The following CUL5 variants were observed in gnomAD, a reference collection of about 807,000 sequenced individuals.
CUL5 encodes the protein cullin-5.
In CUL5, 26 loss-of-function variants were observed where a neutral mutation model predicts 108.8. That is an observed-to-expected ratio of 0.24 (90% CI 0.18 to 0.33). The LOEUF (loss-of-function observed/expected upper bound fraction) is 0.33. Ranked by LOEUF, CUL5 falls within the 10% of genes least tolerant of loss-of-function variation. The pLI is 1.00. For synonymous variants in CUL5, 334 were observed against 298.0 expected, an observed-to-expected ratio of 1.12 and a Z score of -1.25; for missense variants, 524 against 909.2, an observed-to-expected ratio of 0.58 and a Z score of 5.45.
rs535998899 is a variant in CUL5, at chr11:108,039,994, CTTG to C, written c.134+6086_134+6088del. 2.3e-3 allele frequency among the ~76,000 whole-genome samples: 353 copies of C among 152,296 alleles called. 1 individual carries two copies. Among genetic ancestry groups the C allele is most frequent in the Admixed American group, 0.012 (180 of 15,290 alleles). On this transcript the variant is annotated intron_variant, in intron 2 of 18. Transcript: ENST00000393094. ...TTATCACACCAGGGTCACACTATTT[CTTG>C]TTCTCTTCTACACAAGGAAATCAAA...
At chr11:108,083,484 T>C (rs1864149196) in intron 11 of CUL5, among the ~76,000 whole-genome samples, 2 of 152,316 alleles carry the variant, frequency 1.3e-5, no homozygotes, top group South Asian at 4.1e-4. Context: ...TACTTTTAGC[T>C]CCACATTAAA....
In CUL5 at chr11:108,009,253, C is replaced by A; in HGVS notation, c.-96C>A. 1.4e-6 allele frequency: 2 copies of A among 1,390,278 alleles called. No homozygotes were observed. Among genetic ancestry groups the A allele is most frequent in the East Asian group, 2.3e-5 (1 of 43,268 alleles). The allele number at this position is 1,390,278 out of a possible 1,614,324, so 86.1% of individuals were successfully genotyped here. A position where few individuals can be genotyped will look rare whatever the true frequency, so the allele number is the denominator to read the frequency against. On this transcript the variant is annotated 5_prime_UTR_variant, in exon 1 of 19. Transcript: ENST00000393094. ...CCACACCCTGGTGCGGGCCGACGGGCCCTGGGCCCTGGTGGGAGCTCCGGC... is the reference window on the plus strand; with the variant it reads ...CCACACCCTGGTGCGGGCCGACGGGACCTGGGCCCTGGTGGGAGCTCCGGC...
In CUL5 at chr11:108,106,882, A is replaced by G. The variant is rs550776478; in HGVS notation, c.*2498A>G. 5.3e-5 allele frequency: 8 copies of G among 151,284 alleles called. No homozygotes were observed. Among genetic ancestry groups the G allele is most frequent in the South Asian group, 2.1e-4 (1 of 4,774 alleles). 9.4% of individuals were successfully genotyped at this position (151,284 alleles called of 1,614,324 possible). The stretch of plus-strand genomic sequence containing the variant: ...ATTTTTAAAAATTAGTGGTATGGCA[A>G]TAAGACACTTCAGAGGCTATCTTAA... On this transcript the variant is annotated 3_prime_UTR_variant, in exon 19 of 19. Coordinates refer to ENST00000393094, the MANE Select transcript of CUL5 (RefSeq NM_003478.6).
intron 1 of CUL5, among the ~76,000 whole-genome samples, chr11:108,025,014 A>G (rs897416272): frequency 4.6e-5 from 7 of 152,158 alleles, no homozygotes; most frequent in Non-Finnish European, 1.0e-4. Flanking sequence ...AATGTCTTAT[A>G]TCTGTGGTTT....
chr11:108,052,319 A>G (rs1362789451), intron 4 of CUL5, among the ~76,000 whole-genome samples: 1 of 152,074 alleles, frequency 6.6e-6, no homozygotes, highest in African/African-American at 2.4e-5. Flanking sequence ...AGTGAATGCA[A>G]CCTAAGTTAT....
intron 11 of CUL5, among the ~76,000 whole-genome samples, chr11:108,084,315 A>T (rs1388529862): frequency 6.6e-6 from 1 of 152,200 alleles, no homozygotes; most frequent in African/African-American, 2.4e-5. Context: ...AACCTTTCAG[A>T]GGTTACTTGA....
intron 4 of CUL5, among the ~76,000 whole-genome samples, chr11:108,051,441 A>T (rs1027583098): frequency 3.3e-5 from 5 of 152,200 alleles, no homozygotes; most frequent in Non-Finnish European, 7.3e-5. Context: ...ACATATCTAA[A>T]GGGGGGATAA....
At chr11:108,091,699 A>T (rs1019020409) in intron 13 of CUL5, among the ~76,000 whole-genome samples, 2 of 144,568 alleles carry the variant, frequency 1.4e-5, no homozygotes, top group Non-Finnish European at 1.5e-5. Flanking sequence ...TCTCACTCAC[A>T]CACACACACA....
At chr11:108,025,521 T>C (rs1405800156) in intron 1 of CUL5, among the ~76,000 whole-genome samples, 1 of 152,228 alleles carries the variant, frequency 6.6e-6, no homozygotes, top group Non-Finnish European at 1.5e-5. Context: ...GGGGTAGGGC[T>C]ACTTTGGCTC....
In CUL5 at chr11:108,009,103, T is replaced by G; in HGVS notation, c.-246T>G. On this transcript the variant is annotated 5_prime_UTR_variant, in exon 1 of 19. Transcript: ENST00000393094. ...TTCTCAGCATTCGCCGTTCCGGTCT[T>G]CCTGAGCGCGTGCATGAGGTCTTTC... 1.8e-6 allele frequency: 1 copy of G among 566,760 alleles called. No homozygotes were observed. Among genetic ancestry groups the G allele is most frequent in the Non-Finnish European group, 3.2e-6 (1 of 315,896 alleles). 35.1% of individuals were successfully genotyped at this position (566,760 alleles called of 1,614,324 possible).
chr11:108,059,480 A>T (rs904566695), intron 7 of CUL5, among the ~76,000 whole-genome samples: 1 of 152,196 alleles, frequency 6.6e-6, no homozygotes, highest in Non-Finnish European at 1.5e-5. Flanking sequence ...TTAGGGTCAT[A>T]CATGTTGGAA....
chr11:108,094,879 C>G lies in CUL5; in HGVS notation c.1635C>G (p.Val545=). ...AWSRSSEKVF[V]SLPTELEDLI... ...CAAGAAGTTCTGAGAAAGTCTTTGT[C>G]TCACTTCCTACTGAACTGGAGGACT... Residue 545 remains valine (V), a synonymous_variant, in exon 15 of 19, where the codon GTC becomes GTG. Transcript: ENST00000393094. 1.2e-6 allele frequency: 2 copies of G among 1,612,874 alleles called. No individual in the cohort carries two copies. Among genetic ancestry groups the G allele is most frequent in the Non-Finnish European group, 1.7e-6 (2 of 1,179,314 alleles).
intron 5 of CUL5, among the ~76,000 whole-genome samples, chr11:108,053,920 G>C (rs993933477): frequency 6.6e-6 from 1 of 151,756 alleles, no homozygotes; most frequent in Middle Eastern, 3.4e-3. Context: ...TGGCATGCTC[G>C]CTGCAACCTC....
chr11:108,019,566 A>G (rs1355050520), intron 1 of CUL5, among the ~76,000 whole-genome samples: 1 of 152,174 alleles, frequency 6.6e-6, no homozygotes, highest in Non-Finnish European at 1.5e-5. Flanking sequence ...TTGTCTGGCA[A>G]TGTTTATTGT....
rs991746782 is a variant in CUL5, at chr11:108,099,955, A to G, written c.2148+1426A>G. 2.0e-5 allele frequency among the ~76,000 whole-genome samples: 3 copies of G among 151,390 alleles called. No individual in the cohort carries two copies. In the East Asian group the frequency reaches 5.8e-4, roughly 29 times the overall value. On this transcript the variant is annotated intron_variant, in intron 18 of 18. Transcript: ENST00000393094. Reference sequence around the variant, plus strand: ...CAAGCGATCCTCCTTCAGCCTTCCCAGTAGCTGGGACTACAGGCACATGCC... The same window carrying G: ...CAAGCGATCCTCCTTCAGCCTTCCCGGTAGCTGGGACTACAGGCACATGCC...
In CUL5 at chr11:108,065,372, A is replaced by G. The variant is rs374995779; in HGVS notation, c.781-4724A>G. Among the ~76,000 whole-genome samples, 328 of 152,250 alleles carry G rather than the reference A, an allele frequency of 2.2e-3. 1 individual carries two copies. Among genetic ancestry groups the G allele is most frequent in the African/African-American group, 7.6e-3 (315 of 41,536 alleles). Reference sequence around the variant, plus strand: ...TCTCATTATTTGTTATTGCTTGCCTAGAAGTTACAGTCCTTGTGGCCTAGA... The same window carrying G: ...TCTCATTATTTGTTATTGCTTGCCTGGAAGTTACAGTCCTTGTGGCCTAGA... On this transcript the variant is annotated intron_variant, in intron 7 of 18. Transcript: ENST00000393094.
chr11:108,066,071 T>C (rs1390984533), intron 7 of CUL5, among the ~76,000 whole-genome samples: 1 of 152,216 alleles, frequency 6.6e-6, no homozygotes, highest in Non-Finnish European at 1.5e-5. Context: ...CTGGCCGTGG[T>C]GGCTCACGCC....
chr11:108,072,534 AGT>A, intron 9 of CUL5, 72 bp downstream of exon 9: 1 of 1,156,110 alleles, frequency 8.6e-7, no homozygotes, highest in Non-Finnish European at 1.2e-6. Context: ...TATTGAAAAT[AGT>A]GAGCGGTTAC....
intron 1 of CUL5, among the ~76,000 whole-genome samples, chr11:108,022,428 T>C (rs891495226): frequency 6.6e-6 from 1 of 152,222 alleles, no homozygotes; most frequent in South Asian, 2.1e-4. Flanking sequence ...ATATATCTGC[T>C]CCTTTACTCA....
Sources: allele counts gnomAD v4.1 joint callset (sites outside exome capture counted in the v4.1 genomes callset), GRCh38; gene constraint gnomAD v4.1.1; transcripts MANE v1.5; gene names NCBI Gene and HGNC (gene_info 2026-07-23, HGNC 2026-07-21).